RGS12: variants seen among roughly 807,000 people sequenced by gnomAD.
The protein encoded by RGS12 is regulator of G-protein signaling 12.
A neutral mutation model predicts 120.1 loss-of-function variants in RGS12; 66 were observed. The observed-to-expected ratio is 0.55, with a 90% CI of 0.45 to 0.67. The LOEUF (loss-of-function observed/expected upper bound fraction) is 0.67. RGS12 is among the 30% of genes least tolerant of loss of function. RGS12 has a pLI of 0.00. For synonymous variants in RGS12, 827 were observed against 804.7 expected, an observed-to-expected ratio of 1.03 and a Z score of -0.47; for missense variants, 1,859 against 1,957.7, an observed-to-expected ratio of 0.95 and a Z score of 0.95.
chr4:3,361,791 C>A (rs1428701822), intron 3 of RGS12, among the ~76,000 whole-genome samples: 1 of 152,174 alleles, frequency 6.6e-6, no homozygotes, highest in Admixed American at 6.5e-5. Context: ...ACGTCTCTGC[C>A]TTCCAGGTGT....
intron 2 of RGS12, among the ~76,000 whole-genome samples, chr4:3,335,390 TG>T (rs1287001942): frequency 6.6e-6 from 1 of 152,260 alleles, no homozygotes; most frequent in Non-Finnish European, 1.5e-5. Context: ...CACAGAGTTT[TG>T]TAACAGATTT....
At chr4:3,286,496 C>T in the RGS12 span, among the ~76,000 whole-genome samples, 1 of 152,224 alleles carries the variant, frequency 6.6e-6, no homozygotes, top group African/African-American at 2.4e-5. Flanking sequence ...ATTACCCTAA[C>T]CCTGAGATAT....
rs151260329 is a variant in RGS12 at position 3,403,563 on chromosome 4, C to T, written c.2021-10509C>T. Among the ~76,000 whole-genome samples, 173 of 152,338 alleles carry T rather than the reference C, an allele frequency of 1.1e-3. 2 individuals carry two copies. Among genetic ancestry groups the T allele is most frequent in the East Asian group, 7.1e-3 (37 of 5,180 alleles). On this transcript the variant is annotated intron_variant, in intron 4 of 17. Coordinates refer to ENST00000336727, the MANE Select transcript of RGS12 (RefSeq NM_001394154.1). The stretch of plus-strand genomic sequence containing the variant: ...GTAAAATGGGCTGATTGACTGAGAT[C>T]GATAGCATGTAAACACTTTTCTGAG...
chr4:3,350,696 C>CAAAAAACA (rs1553804496), intron 3 of RGS12, among the ~76,000 whole-genome samples: 1 of 145,154 alleles, frequency 6.9e-6, no homozygotes. Flanking sequence ...AAACAAAAAA[C>CAAAAAACA]AAAAAAAACA....
intron 3 of RGS12, among the ~76,000 whole-genome samples, chr4:3,370,875 T>G (rs1051996723): frequency 3.3e-5 from 5 of 152,186 alleles, no homozygotes; most frequent in Non-Finnish European, 7.3e-5. Context: ...TGAGATGAAA[T>G]AAAAATAATT....
intron 1 of RGS12, among the ~76,000 whole-genome samples, chr4:3,299,661 T>A (rs3129310): frequency 1.3e-5 from 2 of 152,014 alleles, no homozygotes; most frequent in African/African-American, 4.8e-5. Context: ...ATCAGGGAGC[T>A]AGCACTCCAG....
Position 3,395,014 on chromosome 4 carries a change from CA to C in RGS12, c.2020+8584del, listed in dbSNP as rs111672832. On this transcript the variant is annotated intron_variant, in intron 4 of 17. Coordinates refer to ENST00000336727, the MANE Select transcript of RGS12 (RefSeq NM_001394154.1). ...CAAAACCCCGTCTCTACCAAAAATA[CA>C]AAAAAACAAAACAAAACAAAAAAAA... is the stretch of plus-strand genomic sequence containing the variant. Among the ~76,000 whole-genome samples the C allele has an allele frequency of 8.3e-3, 1,211 of 145,472 alleles. 22 individuals are homozygous for C. The highest frequency in any genetic ancestry group is 0.021 in the African/African-American group (791 of 38,314).
At chr4:3,346,427 A>G (rs1462562710) in intron 3 of RGS12, among the ~76,000 whole-genome samples, 1 of 152,224 alleles carries the variant, frequency 6.6e-6, no homozygotes, top group Non-Finnish European at 1.5e-5. Flanking sequence ...TGCCCACAGC[A>G]TGAAGCTGTC....
chr4:3,351,308 A>T (rs528070650), intron 3 of RGS12, among the ~76,000 whole-genome samples: 3 of 152,114 alleles, frequency 2.0e-5, no homozygotes, highest in African/African-American at 4.8e-5. Context: ...AATAATTTTT[A>T]TGTCAGACAG....
At chr4:3,414,647 C>A in intron 5 of RGS12, 105 bp from the exon 6 acceptor site, 1 of 806,424 alleles carries the variant, frequency 1.2e-6, no homozygotes, top group Non-Finnish European at 2.1e-6. Context: ...GGCCCTCGGG[C>A]AGCTCACTGA....
rs1050725790 is a variant in RGS12, at chr4:3,422,370, C to T, written c.2839-6C>T. ...CCTCACGGCTGCTTGTCTCGCTGCT[C>T]CCCAGTCGGAGGCCTGCAGGACTTT... On this transcript the variant is annotated splice_region_variant and splice_polypyrimidine_tract_variant and intron_variant, in intron 10 of 17. Coordinates refer to ENST00000336727, the MANE Select transcript of RGS12 (RefSeq NM_001394154.1). 1 of 1,608,356 alleles carries T rather than the reference C, an allele frequency of 6.2e-7. No homozygotes were observed. The highest frequency in any genetic ancestry group is 1.1e-5 in the South Asian group (1 of 90,470).
chr4:3,292,319 C>G (rs1014993651), upstream of RGS12, among the ~76,000 whole-genome samples: 4 of 152,208 alleles, frequency 2.6e-5, no homozygotes, highest in African/African-American at 9.6e-5. Flanking sequence ...GCCTCCGGTC[C>G]CGCCCTCGCT....
intron 4 of RGS12, among the ~76,000 whole-genome samples, chr4:3,399,651 T>C (rs1720383577): frequency 6.6e-6 from 1 of 152,212 alleles, no homozygotes; most frequent in Non-Finnish European, 1.5e-5. Flanking sequence ...AGAAACTGAT[T>C]AGATAAATCA....
intron 3 of RGS12, among the ~76,000 whole-genome samples, chr4:3,361,410 G>T (rs1229865892): frequency 6.6e-6 from 1 of 152,210 alleles, no homozygotes; most frequent in Non-Finnish European, 1.5e-5. Context: ...CAGCTTGATT[G>T]TGAGTACTTT....
intron 3 of RGS12, among the ~76,000 whole-genome samples, chr4:3,380,781 C>T (rs1718180242): frequency 6.6e-6 from 1 of 152,180 alleles, no homozygotes; most frequent in Non-Finnish European, 1.5e-5. Context: ...GCCTTGGGTC[C>T]AGCCCAGGAA....
chr4:3,331,614 A>G (rs1452998004), intron 2 of RGS12, among the ~76,000 whole-genome samples: 1 of 139,058 alleles, frequency 7.2e-6, no homozygotes, highest in Non-Finnish European at 1.5e-5. Context: ...AATAGATTGT[A>G]AAAAAAAAAA....
At chr4:3,340,099 G>T (rs1712896605) in intron 2 of RGS12, among the ~76,000 whole-genome samples, 1 of 152,244 alleles carries the variant, frequency 6.6e-6, no homozygotes, top group African/African-American at 2.4e-5. Flanking sequence ...TGCCGTACAG[G>T]TGCCCTGCGC....
chr4:3,326,144 C>A (rs1426795031), intron 2 of RGS12, among the ~76,000 whole-genome samples: 1 of 152,192 alleles, frequency 6.6e-6, no homozygotes, highest in African/African-American at 2.4e-5. Flanking sequence ...CACTCCTATT[C>A]AACATAGTAC....
rs764580511 is a variant in RGS12 at position 3,430,415 on chromosome 4, G to C, written c.3574G>C (p.Glu1192Gln). 6.2e-7 allele frequency: 1 copy of C among 1,606,086 alleles called. No individual in the cohort carries two copies. Among genetic ancestry groups the C allele is most frequent in the Non-Finnish European group, 8.5e-7 (1 of 1,176,020 alleles). Reference protein sequence around the residue: ...INLDEAEEFFELISKAQSNRA... With the variant: ...INLDEAEEFFQLISKAQSNRA... The stretch of plus-strand genomic sequence containing the variant: ...GGGTTTTCTTCCAATAGAGTTTTTT[G>C]AGCTTATTTCCAAAGCTCAGAGCAA... The change falls in exon 17 of 18, where the codon GAG becomes CAG. Residue 1192 changes from glutamate (E) to glutamine (Q), a missense_variant. Physicochemically the swap from Glu to Gln is conservative, Grantham distance 29. Coordinates refer to ENST00000336727, the MANE Select transcript of RGS12 (RefSeq NM_001394154.1).
Sources: allele counts gnomAD v4.1 joint callset (sites outside exome capture counted in the v4.1 genomes callset), GRCh38; gene constraint gnomAD v4.1.1; transcripts MANE v1.5; gene names NCBI Gene and HGNC (gene_info 2026-07-23, HGNC 2026-07-21).